CDADC1: variants seen among roughly 807,000 people sequenced by gnomAD.
CDADC1 encodes dCTP deaminase.
A neutral mutation model predicts 54.9 loss-of-function variants in CDADC1; 39 were observed. That is an observed-to-expected ratio of 0.71 (90% CI 0.55 to 0.93). The LOEUF is 0.93. CDADC1 is among the 40% of genes least tolerant of loss of function. CDADC1 has a pLI of 0.00. For synonymous variants in CDADC1, 186 were observed against 204.0 expected (o/e 0.91, Z 0.75); for missense variants, 518 against 618.8 (o/e 0.84, Z 1.73).
chr13:49,269,372 C>T lies in CDADC1; in HGVS notation c.1000+1313C>T, dbSNP rs573601483. On this transcript the variant is annotated intron_variant, in intron 5 of 9. Coordinates refer to ENST00000251108, the MANE Select transcript of CDADC1 (RefSeq NM_030911.4). ...TAAAAAGTACAAACCCCAACCCAGACCTATTAAACCAAGTCCCTAACAAAA... is the reference window on the plus strand; with the variant it reads ...TAAAAAGTACAAACCCCAACCCAGATCTATTAAACCAAGTCCCTAACAAAA... Among the ~76,000 whole-genome samples the T allele has an allele frequency of 7.4e-4, 112 of 151,700 alleles. 1 individual carries two copies. The highest frequency in any genetic ancestry group is 2.6e-3 in the African/African-American group (108 of 41,184).
At chr13:49,291,264 C>T (rs1363862962) in intron 9 of CDADC1, among the ~76,000 whole-genome samples, 2 of 149,904 alleles carry the variant, frequency 1.3e-5, no homozygotes, top group East Asian at 2.0e-4. Flanking sequence ...CCTCTCTGGG[C>T]TCAAACAGTC....
intron 8 of CDADC1, among the ~76,000 whole-genome samples, chr13:49,285,304 G>A (rs946852674): frequency 6.0e-5 from 9 of 151,034 alleles, no homozygotes; most frequent in Non-Finnish European, 8.9e-5. Context: ...TCAGCCTCTC[G>A]AGTAGCTGGG....
intron 8 of CDADC1, among the ~76,000 whole-genome samples, chr13:49,282,053 G>A (rs1051698305): frequency 4.0e-5 from 6 of 151,884 alleles, no homozygotes; most frequent in Non-Finnish European, 8.8e-5. Context: ...CCTGACCTCA[G>A]GTGATACACC....
chr13:49,255,222 C>A (rs1212310358), intron 2 of CDADC1, among the ~76,000 whole-genome samples: 1 of 152,208 alleles, frequency 6.6e-6, no homozygotes, highest in African/African-American at 2.4e-5. Context: ...TGTTGCATCG[C>A]TGACTCTCCC....
intron 5 of CDADC1, among the ~76,000 whole-genome samples, chr13:49,273,916 C>A (rs1390573048): frequency 6.6e-6 from 1 of 152,106 alleles, no homozygotes; most frequent in Admixed American, 6.6e-5. Flanking sequence ...GTTCTGAAAC[C>A]TTTATTAAAT....
At chr13:49,253,304 A>T (rs1952475802) in intron 2 of CDADC1, among the ~76,000 whole-genome samples, 1 of 152,230 alleles carries the variant, frequency 6.6e-6, no homozygotes, top group Non-Finnish European at 1.5e-5. Context: ...ATTACTTTTT[A>T]AAAATTGTTT....
chr13:49,268,036 C>A lies in CDADC1; in HGVS notation c.977C>A (p.Ala326Asp), dbSNP rs1241783780. The A allele has an allele frequency of 2.5e-6, 4 of 1,611,990 alleles. No homozygotes were observed. Among genetic ancestry groups the A allele is most frequent in the Non-Finnish European group, 2.5e-6 (3 of 1,179,544 alleles). Residue 326 changes from alanine (A) to aspartate (D), a missense_variant, in exon 5 of 10, where the codon GCC becomes GAC. Physicochemically the swap from Ala to Asp is moderately radical, Grantham distance 126. Transcript: ENST00000251108. ...QEIARHCMVQ[A>D]RLLAYRTEDH... The stretch of plus-strand genomic sequence containing the variant: ...ATTGCAAGGCACTGCATGGTTCAGG[C>A]CAGGTTATTGGCATATCGAACTGGT...
chr13:49,286,162 G>A, intron 8 of CDADC1, 60 bp from the exon 9 acceptor site: 2 of 1,300,070 alleles, frequency 1.5e-6, no homozygotes, highest in Non-Finnish European at 2.2e-6. Context: ...AAATCAATGT[G>A]CTGGAATGCT....
At position 49,291,768 on chromosome 13, in the gene CDADC1, C is replaced by T. The variant is rs1336365936; in HGVS notation, c.*11C>T. 1 of 1,612,802 alleles carries T rather than the reference C, an allele frequency of 6.2e-7. No individual in the cohort carries two copies. The highest frequency in any genetic ancestry group is 8.5e-7 in the Non-Finnish European group (1 of 1,179,656). On this transcript the variant is annotated 3_prime_UTR_variant, in exon 10 of 10. Transcript: ENST00000251108. ...CTCGGAATCCACTAAGAAGGCCTGTCTACACTGCAGGGGAACCTCAAGAAC... is the reference window on the plus strand; with the variant it reads ...CTCGGAATCCACTAAGAAGGCCTGTTTACACTGCAGGGGAACCTCAAGAAC...
intron 5 of CDADC1, among the ~76,000 whole-genome samples, chr13:49,269,939 G>T (rs1397827812): frequency 6.6e-6 from 1 of 152,058 alleles, no homozygotes. Context: ...CCCTGCTTAC[G>T]CATTTGATGG....
At chr13:49,253,662 G>A (rs2138194162) in intron 2 of CDADC1, among the ~76,000 whole-genome samples, 1 of 152,148 alleles carries the variant, frequency 6.6e-6, no homozygotes, top group East Asian at 1.9e-4. Context: ...CACATGTTAG[G>A]TACTATGTGT....
intron 2 of CDADC1, among the ~76,000 whole-genome samples, chr13:49,251,470 G>A (rs950031190): frequency 2.6e-5 from 4 of 151,354 alleles, no homozygotes; most frequent in Non-Finnish European, 1.5e-5. Flanking sequence ...TTGAAAAGGC[G>A]TTCTTTTTTT....
rs1257507659 is a variant in CDADC1, at chr13:49,292,707, CATTTTT to C, written c.*955_*960del. The C allele has an allele frequency of 7.9e-7, 1 of 1,261,422 alleles. No individual in the cohort carries two copies. The highest frequency in any genetic ancestry group is 1.5e-5 in the African/African-American group (1 of 64,858). The allele number at this position is 1,261,422 out of a possible 1,614,324, so 78.1% of individuals were successfully genotyped here. A position where few individuals can be genotyped will look rare whatever the true frequency, so the allele number is the denominator to read the frequency against. On this transcript the variant is annotated 3_prime_UTR_variant, in exon 10 of 10. Transcript: ENST00000251108. ...CCAGATTGCTGTCTGTGATTTCTCA[CATTTTT>C]ATTTGCTGAGAAACATTCAGAAAAT...
At chr13:49,271,872 A>G (rs1952972993) in intron 5 of CDADC1, among the ~76,000 whole-genome samples, 1 of 152,242 alleles carries the variant, frequency 6.6e-6, no homozygotes, top group African/African-American at 2.4e-5. Flanking sequence ...TTCTGTAAAA[A>G]TTATAGACAT....
At chr13:49,261,681 T>C (rs1952691329) in intron 4 of CDADC1, among the ~76,000 whole-genome samples, 1 of 152,156 alleles carries the variant, frequency 6.6e-6, no homozygotes, top group Non-Finnish European at 1.5e-5. Context: ...AACCAAAACA[T>C]TTGTTGGCTG....
At chr13:49,291,635 A>G in intron 9 of CDADC1, 49 bp from the exon 10 acceptor site, 2 of 1,585,178 alleles carry the variant, frequency 1.3e-6, no homozygotes, top group Non-Finnish European at 1.7e-6. Flanking sequence ...ACAAGTGCCC[A>G]TGGGTTTGAA....
chr13:49,256,443 C>T (rs570497562), intron 3 of CDADC1, among the ~76,000 whole-genome samples: 63 of 152,332 alleles, frequency 4.1e-4, no homozygotes, highest in Admixed American at 3.5e-3. Flanking sequence ...ATTTGTATTA[C>T]CCCTCATGGG....
rs979607890 is a variant in CDADC1 at position 49,286,112 on chromosome 13, C to A, written c.1411-110C>A. 4.6e-6 allele frequency: 4 copies of A among 871,488 alleles called. No homozygotes were observed. The African/African-American group carries it at 5.0e-5, about 11-fold the overall frequency. 54.0% of individuals were successfully genotyped at this position (871,488 alleles called of 1,614,324 possible). A position where few individuals can be genotyped will look rare whatever the true frequency, so the allele number is the denominator to read the frequency against. On this transcript the variant is annotated intron_variant, in intron 8 of 9. Transcript: ENST00000251108. ...TACAGGTGTGACCCACTATGCCCAG[C>A]CATTTTTCTTCCATTTTTAAGAAGT...
At chr13:49,260,292 C>G (rs1952647397) in intron 4 of CDADC1, among the ~76,000 whole-genome samples, 1 of 152,154 alleles carries the variant, frequency 6.6e-6, no homozygotes, top group Non-Finnish European at 1.5e-5. Flanking sequence ...ATATTTATCA[C>G]CTGTATAATA....
Sources: gnomAD v4.1 joint callset for allele counts (sites outside exome capture counted in the v4.1 genomes callset) on GRCh38, gnomAD v4.1.1 for gene constraint, MANE v1.5 for transcripts, NCBI Gene and HGNC (gene_info 2026-07-23, HGNC 2026-07-21) for gene names.